The following ADAMTSL1 variants were observed in gnomAD, a reference collection of about 807,000 sequenced individuals.
ADAMTSL1 encodes the protein ADAMTS like 1.
Under a neutral mutation model 201.8 loss-of-function variants are expected in ADAMTSL1, and 126 were observed. The ratio of observed to expected loss-of-function variants is 0.62; its 90% confidence interval spans 0.54 to 0.72. ADAMTSL1 has a LOEUF of 0.72. ADAMTSL1 is among the 30% of genes least tolerant of loss of function. The probability of loss-of-function intolerance (pLI) is 0.00; values close to 1 mark genes in which losing one functional copy is unlikely to be tolerated. For missense variants in ADAMTSL1, 2,679 were observed against 2,277.8 expected (o/e 1.18, Z -3.59); for synonymous variants, 1,121 against 903.4 (o/e 1.24, Z -4.32).
At chr9:18,710,472 G>T (rs1356859668) in intron 14 of ADAMTSL1, among the ~76,000 whole-genome samples, 1 of 152,104 alleles carries the variant, frequency 6.6e-6, no homozygotes, top group African/African-American at 2.4e-5. Flanking sequence ...TTAGAATGTA[G>T]TAACTCTGGA....
At chr9:18,564,690 A>G (rs1450988651) in intron 3 of ADAMTSL1, among the ~76,000 whole-genome samples, 1 of 152,230 alleles carries the variant, frequency 6.6e-6, no homozygotes, top group Non-Finnish European at 1.5e-5. Flanking sequence ...CAAAAGGATT[A>G]TGAATTACTC....
At chr9:18,414,035 T>C (rs895599196) in intron 2 of ADAMTSL1, among the ~76,000 whole-genome samples, 1 of 152,210 alleles carries the variant, frequency 6.6e-6, no homozygotes, top group Non-Finnish European at 1.5e-5. Flanking sequence ...GCCAGTTGAC[T>C]CAAGGCAGTG....
intron 27 of ADAMTSL1, 128 bp downstream of exon 27, chr9:18,906,019 A>T (rs1375076017): frequency 2.5e-6 from 2 of 806,528 alleles, no homozygotes; most frequent in Non-Finnish European, 3.9e-6. Context: ...CTCCATCTCC[A>T]TTCACCGCAA....
At chr9:18,458,787 A>T (rs982338923) in intron 2 of ADAMTSL1, among the ~76,000 whole-genome samples, 1 of 152,190 alleles carries the variant, frequency 6.6e-6, no homozygotes, top group Non-Finnish European at 1.5e-5. Flanking sequence ...TTTGTTTTTT[A>T]AAAAAGAAAA....
At chr9:18,122,052 C>T (rs545905244) in intron 1 of ADAMTSL1, among the ~76,000 whole-genome samples, 10 of 152,182 alleles carry the variant, frequency 6.6e-5, no homozygotes, top group African/African-American at 2.4e-4. Flanking sequence ...ATATGCCTTC[C>T]TTAGTAACTG....
intron 1 of ADAMTSL1, among the ~76,000 whole-genome samples, chr9:18,147,503 C>A (rs1456296808): frequency 2.0e-5 from 3 of 152,058 alleles, no homozygotes; most frequent in African/African-American, 7.2e-5. Context: ...TGCATTATTG[C>A]AGAATGGGTA....
At chr9:18,206,990 C>A (rs936801450) in intron 2 of ADAMTSL1, among the ~76,000 whole-genome samples, 2 of 152,040 alleles carry the variant, frequency 1.3e-5, no homozygotes, top group South Asian at 4.2e-4. Flanking sequence ...CATGGTGAAA[C>A]CCCGTCTCTA....
chr9:18,284,871 A>G (rs1039722236), intron 2 of ADAMTSL1, among the ~76,000 whole-genome samples: 1 of 152,224 alleles, frequency 6.6e-6, no homozygotes, highest in Non-Finnish European at 1.5e-5. Flanking sequence ...ATAGAAAACT[A>G]TCCGTTATCA....
intron 2 of ADAMTSL1, among the ~76,000 whole-genome samples, chr9:18,465,865 C>T (rs1820985350): frequency 6.6e-6 from 1 of 152,198 alleles, no homozygotes; most frequent in South Asian, 2.1e-4. Flanking sequence ...TCTTCTGCCT[C>T]AGCCTCCAGA....
chr9:18,212,202 C>T (rs974569365), intron 2 of ADAMTSL1, among the ~76,000 whole-genome samples: 4 of 152,082 alleles, frequency 2.6e-5, no homozygotes, highest in African/African-American at 9.7e-5. Flanking sequence ...AAGACTTACT[C>T]CTGGTCCCCT....
At chr9:18,536,513 A>G (rs1026944700) in intron 3 of ADAMTSL1, among the ~76,000 whole-genome samples, 1 of 151,388 alleles carries the variant, frequency 6.6e-6, no homozygotes, top group African/African-American at 2.4e-5. Flanking sequence ...CTCTATAAGT[A>G]GTATGTCAAT....
chr9:18,433,073 CA>C (rs1225898763), intron 2 of ADAMTSL1, among the ~76,000 whole-genome samples: 1 of 151,994 alleles, frequency 6.6e-6, no homozygotes, highest in African/African-American at 2.4e-5. Flanking sequence ...TTTTAACCAA[CA>C]AAACCTCCTG....
chr9:18,332,365 G>C (rs1835064400), intron 2 of ADAMTSL1, among the ~76,000 whole-genome samples: 1 of 152,036 alleles, frequency 6.6e-6, no homozygotes, highest in South Asian at 2.1e-4. Flanking sequence ...TCAAAATAAG[G>C]AGTGAAAAAT....
intron 2 of ADAMTSL1, among the ~76,000 whole-genome samples, chr9:18,227,105 C>T (rs1016685489): frequency 1.3e-5 from 2 of 151,906 alleles, no homozygotes; most frequent in East Asian, 1.9e-4. Flanking sequence ...CAGAGTTAAC[C>T]CCTCCATTTT....
At chr9:18,561,326 A>C (rs1462786096) in intron 3 of ADAMTSL1, among the ~76,000 whole-genome samples, 1 of 152,118 alleles carries the variant, frequency 6.6e-6, no homozygotes, top group Non-Finnish European at 1.5e-5. Context: ...TTCAGTTTCC[A>C]TGTAGTTGTG....
At chr9:18,822,553 G>A (rs1045846033) in intron 21 of ADAMTSL1, among the ~76,000 whole-genome samples, 3 of 152,174 alleles carry the variant, frequency 2.0e-5, no homozygotes, top group Non-Finnish European at 4.4e-5. Flanking sequence ...CCTGGCACTG[G>A]TGGGTTACTG....
chr9:18,874,559 T>C (rs1264948910), intron 23 of ADAMTSL1, among the ~76,000 whole-genome samples: 2 of 152,160 alleles, frequency 1.3e-5, no homozygotes, highest in Admixed American at 1.3e-4. Context: ...GATTTTTTTA[T>C]TTATGTGATG....
intron 2 of ADAMTSL1, among the ~76,000 whole-genome samples, chr9:18,522,376 C>T (rs1206713158): frequency 6.6e-6 from 1 of 152,122 alleles, no homozygotes; most frequent in African/African-American, 2.4e-5. Flanking sequence ...ACTTGTTTCT[C>T]TCAGTTGTTC....
intron 2 of ADAMTSL1, among the ~76,000 whole-genome samples, chr9:18,281,856 C>T (rs1287876821): frequency 1.3e-5 from 2 of 152,328 alleles, no homozygotes; most frequent in African/African-American, 2.4e-5. Flanking sequence ...AGGCATGAGC[C>T]ACTGCACCTG....
Sources: gnomAD v4.1 joint callset for allele counts (sites outside exome capture counted in the v4.1 genomes callset) on GRCh38, gnomAD v4.1.1 for gene constraint, MANE v1.5 for transcripts, NCBI Gene and HGNC (gene_info 2026-07-23, HGNC 2026-07-21) for gene names.